Variants in YWHAG observed in about 807,000 individuals in gnomAD.
The protein encoded by YWHAG is tyrosine 3-monooxygenase/tryptophan 5-monooxygenase activation protein gamma, also known as 14-3-3 protein gamma.
A neutral mutation model predicts 23.3 loss-of-function variants in YWHAG; 1 was observed. The ratio of observed to expected loss-of-function variants is 0.04; its 90% confidence interval spans 0.02 to 0.20. The LOEUF (loss-of-function observed/expected upper bound fraction) is 0.20, where lower values mean the gene tolerates loss of function less well. Ranked by LOEUF, YWHAG falls within the 10% of genes least tolerant of loss-of-function variation. The probability of loss-of-function intolerance (pLI) is 1.00; values close to 1 mark genes in which losing one functional copy is unlikely to be tolerated. For missense variants in YWHAG, 151 were observed against 338.6 expected (o/e 0.45, Z 4.35); for synonymous variants, 160 against 144.0 (o/e 1.11, Z -0.80).
chr7:76,337,589 C>T (rs1803634226), intron 1 of YWHAG, among the ~76,000 whole-genome samples: 1 of 149,926 alleles, frequency 6.7e-6, no homozygotes, highest in African/African-American at 2.5e-5. Flanking sequence ...GGCTGGAGTG[C>T]AGTGGTGTGA....
At chr7:76,335,821 A>C (rs1232508582) in intron 1 of YWHAG, among the ~76,000 whole-genome samples, 1 of 152,130 alleles carries the variant, frequency 6.6e-6, no homozygotes, top group African/African-American at 2.4e-5. Context: ...TGTGGTGTGC[A>C]TGCCTGTAAT....
chr7:76,350,981 G>T (rs1273338119), intron 1 of YWHAG, among the ~76,000 whole-genome samples: 1 of 152,064 alleles, frequency 6.6e-6, no homozygotes, highest in Non-Finnish European at 1.5e-5. Flanking sequence ...ATTAAATTAT[G>T]ATATATCCAC....
At chr7:76,352,701 G>C (rs1803894206) in intron 1 of YWHAG, among the ~76,000 whole-genome samples, 3 of 151,286 alleles carry the variant, frequency 2.0e-5, no homozygotes, top group Non-Finnish European at 4.4e-5. Flanking sequence ...CCAGGCTGGA[G>C]TGCAGTGGTA....
chr7:76,358,708 G>T lies in YWHAG; in HGVS notation c.87+14C>A. On this transcript the variant is annotated intron_variant, in intron 1 of 1. Coordinates refer to ENST00000307630, the MANE Select transcript of YWHAG (RefSeq NM_012479.4). Reference sequence around the variant, plus strand: ...AGGGGCAGGGAGCGGCGGGGGAGGGGAGGAGACACTCACGTTCTTCATGGC... The same window carrying T: ...AGGGGCAGGGAGCGGCGGGGGAGGGTAGGAGACACTCACGTTCTTCATGGC... The T allele has an allele frequency of 6.4e-7, 1 of 1,572,868 alleles. No individual in the cohort carries two copies. Among genetic ancestry groups the T allele is most frequent in the Non-Finnish European group, 8.6e-7 (1 of 1,159,292 alleles).
At chr7:76,356,430 T>TA (rs1367979047) in intron 1 of YWHAG, among the ~76,000 whole-genome samples, 1 of 152,192 alleles carries the variant, frequency 6.6e-6, no homozygotes, top group African/African-American at 2.4e-5. Context: ...ACAAATCTAG[T>TA]AAAAAACAAA....
Position 76,330,134 on chromosome 7 carries a change from T to G in YWHAG, c.187A>C (p.Ile63Leu). 1 of 1,614,140 alleles carries G rather than the reference T, an allele frequency of 6.2e-7. No homozygotes were observed. Reference sequence around the variant, plus strand: ...GATGTCTTCTGCTCAATGCTACTGATGACCCTCCAGGAAGAGCGGCGTGCC... The same window carrying G: ...GATGTCTTCTGCTCAATGCTACTGAGGACCCTCCAGGAAGAGCGGCGTGCC... ...VGARRSSWRV[I>L]SSIEQKTSAD... Residue 63 changes from isoleucine to leucine, a missense_variant, in exon 2 of 2, where the codon ATC (isoleucine) becomes CTC (leucine). Ile to Leu is a conservative substitution (Grantham distance 5). Coordinates refer to ENST00000307630, the MANE Select transcript of YWHAG (RefSeq NM_012479.4).
At chr7:76,343,948 A>G (rs1026216976) in intron 1 of YWHAG, among the ~76,000 whole-genome samples, 4 of 152,206 alleles carry the variant, frequency 2.6e-5, no homozygotes, top group African/African-American at 7.2e-5. Flanking sequence ...GCTCCAAACT[A>G]AACTGACTTA....
At chr7:76,351,391 C>CGTTT (rs35652035) in intron 1 of YWHAG, among the ~76,000 whole-genome samples, 2 of 151,538 alleles carry the variant, frequency 1.3e-5, no homozygotes, top group Admixed American at 1.3e-4. Context: ...TGAGTAGGGT[C>CGTTT]TTTTCAACCT....
In YWHAG at chr7:76,328,495, C is replaced by T. The variant is rs1803486987; in HGVS notation, c.*1082G>A. 1 of 152,168 alleles carries T rather than the reference C, an allele frequency of 6.6e-6. No individual in the cohort carries two copies. Among genetic ancestry groups the T allele is most frequent in the African/African-American group, 2.4e-5 (1 of 41,436 alleles). The allele number at this position is 152,168 out of a possible 1,614,324, so 9.4% of individuals were successfully genotyped here. A position where few individuals can be genotyped will look rare whatever the true frequency, so the allele number is the denominator to read the frequency against. ...TTTTCTACCAGTAGGCTTCTAGCAC[C>T]TGAATTTTCACACACTGCACCACAG... On this transcript the variant is annotated 3_prime_UTR_variant, in exon 2 of 2. Transcript: ENST00000307630.
chr7:76,332,463 T>G (rs1434986942), intron 1 of YWHAG, among the ~76,000 whole-genome samples: 1 of 152,152 alleles, frequency 6.6e-6, no homozygotes. Flanking sequence ...ATCTGCAAAA[T>G]GGGGATTTCT....
rs139460724 is a variant in YWHAG, at chr7:76,342,802, C to T, written c.88-12569G>A. Among the ~76,000 whole-genome samples the T allele has an allele frequency of 1.6e-3, 240 of 152,094 alleles. 2 individuals are homozygous for T. The highest frequency in any genetic ancestry group is 5.6e-3 in the African/African-American group (232 of 41,490). ...TATCATAGATCTGACTTGGAAGTGGCGGGGAGAGAGGACTTTCCCACCAAA... is the reference window on the plus strand; with the variant it reads ...TATCATAGATCTGACTTGGAAGTGGTGGGGAGAGAGGACTTTCCCACCAAA... On this transcript the variant is annotated intron_variant, in intron 1 of 1. Coordinates refer to ENST00000307630, the MANE Select transcript of YWHAG (RefSeq NM_012479.4).
intron 1 of YWHAG, among the ~76,000 whole-genome samples, chr7:76,336,249 C>A (rs993223733): frequency 3.9e-5 from 6 of 152,172 alleles, no homozygotes; most frequent in African/African-American, 1.4e-4. Flanking sequence ...ACTTGTCCAA[C>A]TCCACAGAAT....
At chr7:76,358,303 C>A (rs910329500) in intron 1 of YWHAG, among the ~76,000 whole-genome samples, 2 of 152,178 alleles carry the variant, frequency 1.3e-5, no homozygotes, top group Non-Finnish European at 2.9e-5. Flanking sequence ...CGCCCAGACA[C>A]CAGGGAGAGA....
intron 1 of YWHAG, among the ~76,000 whole-genome samples, chr7:76,344,195 C>G (rs1004876429): frequency 6.6e-6 from 1 of 152,058 alleles, no homozygotes; most frequent in African/African-American, 2.4e-5. Flanking sequence ...ACTGCAGCCT[C>G]CACCTCCCAG....
chr7:76,350,427 G>A (rs1477202576), intron 1 of YWHAG, among the ~76,000 whole-genome samples: 1 of 152,152 alleles, frequency 6.6e-6, no homozygotes, highest in Admixed American at 6.5e-5. Context: ...CTTAACGTAC[G>A]AATTGTGCCT....
At chr7:76,341,970 T>A (rs1376736715) in intron 1 of YWHAG, among the ~76,000 whole-genome samples, 1 of 152,230 alleles carries the variant, frequency 6.6e-6, no homozygotes, top group African/African-American at 2.4e-5. Flanking sequence ...CAATCAAACA[T>A]CATCAGCTCA....
At chr7:76,332,331 G>A (rs1803557300) in intron 1 of YWHAG, among the ~76,000 whole-genome samples, 1 of 152,156 alleles carries the variant, frequency 6.6e-6, no homozygotes, top group East Asian at 1.9e-4. Context: ...GCAGACCGCT[G>A]TCACTCATGC....
chr7:76,342,420 T>TG (rs1443862049), intron 1 of YWHAG, among the ~76,000 whole-genome samples: 12 of 152,240 alleles, frequency 7.9e-5, no homozygotes, highest in Non-Finnish European at 1.8e-4. Flanking sequence ...TCTGACCCTA[T>TG]GTTGCACACT....
At chr7:76,330,733 A>G (rs559690022) in intron 1 of YWHAG, among the ~76,000 whole-genome samples, 1 of 152,348 alleles carries the variant, frequency 6.6e-6, no homozygotes, top group East Asian at 1.9e-4. Context: ...GGGAGTCCAA[A>G]TAAGGGGCAT....
Sources: allele counts gnomAD v4.1 joint callset (sites outside exome capture counted in the v4.1 genomes callset), GRCh38; gene constraint gnomAD v4.1.1; transcripts MANE v1.5; gene names NCBI Gene and HGNC (gene_info 2026-07-23, HGNC 2026-07-21).